Variants in HIVEP2 observed in about 807,000 individuals in gnomAD.
HIVEP2 encodes transcription factor HIVEP2.
In HIVEP2, 14 loss-of-function variants were observed where a neutral mutation model predicts 180.7. That is an observed-to-expected ratio of 0.08 (90% CI 0.05 to 0.12). The LOEUF is 0.12. Among genes scored for constraint, HIVEP2 ranks in the 10% least tolerant of loss-of-function variants. HIVEP2 has a pLI of 1.00. For missense variants in HIVEP2, 2,579 were observed against 3,008.5 expected (o/e 0.86, Z 3.34); for synonymous variants, 1,184 against 1,136.4 (o/e 1.04, Z -0.84).
rs1355895728 is a variant in HIVEP2 at position 142,760,124 on chromosome 6, C to A, written c.6164G>T (p.Cys2055Phe). The A allele has an allele frequency of 2.5e-6, 4 of 1,614,112 alleles. No homozygotes were observed. Among genetic ancestry groups the A allele is most frequent in the African/African-American group, 1.3e-5 (1 of 75,008 alleles). The change falls in exon 9 of 10, where the codon TGT (cysteine) becomes TTT (phenylalanine). Residue 2055 changes from cysteine (C) to phenylalanine (F), a missense_variant. Around this residue, in one of 11 missense-constraint regions of HIVEP2, gnomAD observed 660 missense variants for 731.7 expected, o/e 0.90. Coordinates refer to ENST00000367603, the MANE Select transcript of HIVEP2 (RefSeq NM_006734.4). ...HSSPGYDSSPCRDNSPKRYLI... is the reference protein window; with the variant it reads ...HSSPGYDSSPFRDNSPKRYLI... ...ATACCTCTTTGGTGAATTATCTCGA[C>A]AGGGTGAAGAATCATATCCTGGAGA...
At chr6:142,885,850 C>A (rs988021525) in intron 1 of HIVEP2, among the ~76,000 whole-genome samples, 5 of 152,160 alleles carry the variant, frequency 3.3e-5, no homozygotes, top group South Asian at 2.1e-4. Flanking sequence ...TTATAAAATG[C>A]CGCCTAATCT....
chr6:142,858,040 G>A (rs1392046490), intron 1 of HIVEP2, among the ~76,000 whole-genome samples: 2 of 150,604 alleles, frequency 1.3e-5, no homozygotes, highest in Non-Finnish European at 3.0e-5. Flanking sequence ...GTGGTTGGGG[G>A]AAGAGAGGCT....
At chr6:142,845,473 G>A (rs1042731265) in intron 1 of HIVEP2, among the ~76,000 whole-genome samples, 1 of 152,106 alleles carries the variant, frequency 6.6e-6, no homozygotes, top group Non-Finnish European at 1.5e-5. Context: ...ATTATTAGGC[G>A]TAGTCCCATT....
intron 1 of HIVEP2, among the ~76,000 whole-genome samples, chr6:142,930,962 G>T (rs1777929679): frequency 6.6e-6 from 1 of 152,072 alleles, no homozygotes; most frequent in East Asian, 1.9e-4. Context: ...ATGATTAAAA[G>T]AAAAGTTCCA....
intron 2 of HIVEP2, among the ~76,000 whole-genome samples, chr6:142,816,508 A>G (rs1315430905): frequency 6.6e-6 from 1 of 152,176 alleles, no homozygotes; most frequent in Non-Finnish European, 1.5e-5. Context: ...CCACAGTTCT[A>G]CTTCTGAAGT....
At chr6:142,866,956 G>A (rs1776155809) in intron 1 of HIVEP2, among the ~76,000 whole-genome samples, 2 of 152,166 alleles carry the variant, frequency 1.3e-5, no homozygotes, top group South Asian at 4.1e-4. Flanking sequence ...CCTCCCTGTG[G>A]TAAACTGGTG....
In HIVEP2 at chr6:142,758,800, A is replaced by G. The variant is rs148192387; in HGVS notation, c.6516+972T>C. ...AGGCATATCATAGAAATCTCTGCAC[A>G]TTCTCACTTAGCTCTCCTGATTTCC... On this transcript the variant is annotated intron_variant, in intron 9 of 9. Transcript: ENST00000367603. Among the ~76,000 whole-genome samples the G allele has an allele frequency of 1.9e-3, 294 of 152,288 alleles. 8 individuals carry two copies. The highest frequency in any genetic ancestry group is 6.2e-3 in the African/African-American group (259 of 41,562).
intron 2 of HIVEP2, among the ~76,000 whole-genome samples, chr6:142,806,014 T>C (rs1582875905): frequency 6.6e-6 from 1 of 151,678 alleles, no homozygotes; most frequent in East Asian, 1.9e-4. Flanking sequence ...TAGATCTCAA[T>C]ACATCTACAC....
rs531469507 is a variant in HIVEP2 at position 142,874,154 on chromosome 6, T to G, written c.-640-37107A>C. Among the ~76,000 whole-genome samples the G allele has an allele frequency of 8.5e-4, 129 of 152,262 alleles. 1 individual carries two copies. Among genetic ancestry groups the G allele is most frequent in the African/African-American group, 3.0e-3 (126 of 41,558 alleles). On this transcript the variant is annotated intron_variant, in intron 1 of 9. Transcript: ENST00000367603. ...AAATACCTGAACAAACTGAACCAAA[T>G]TAAAAACTCAAGTTTTTAACCTGAG... is the stretch of plus-strand genomic sequence containing the variant.
At position 142,773,106 on chromosome 6, in the gene HIVEP2, A is replaced by G; in HGVS notation, c.1633T>C (p.Ser545Pro). The G allele has an allele frequency of 6.2e-7, 1 of 1,614,224 alleles. No homozygotes were observed. The highest frequency in any genetic ancestry group is 8.5e-7 in the Non-Finnish European group (1 of 1,180,042). Residue 545 changes from serine (S) to proline (P), a missense_variant, in exon 5 of 10, where the codon TCA becomes CCA. This residue lies in a region of HIVEP2 where 524 missense variants were observed against 563.6 expected (regional missense o/e 0.93). Transcript: ENST00000367603. ...TTAGTTGCTGAAGAAGTTGGCACTG[A>G]GTTGCTTCTAATAAGGGGTGAAGAG... is the stretch of plus-strand genomic sequence containing the variant. ...VDSSPLIRSN[S>P]VPTSSATNLT... is the part of the protein sequence containing the mutation.
intron 1 of HIVEP2, among the ~76,000 whole-genome samples, chr6:142,872,333 G>A (rs1776309503): frequency 6.6e-6 from 1 of 152,098 alleles, no homozygotes; most frequent in African/African-American, 2.4e-5. Flanking sequence ...ATGAGTCTTT[G>A]GAATCGCTTC....
chr6:142,944,361 A>ACCCC lies in HIVEP2; in HGVS notation c.-641+734_-641+737dup, dbSNP rs55804696. On this transcript the variant is annotated intron_variant, in intron 1 of 9. Transcript: ENST00000367603. The stretch of plus-strand genomic sequence containing the variant: ...GGGTAGCAGAGCGGATCTGGAGTCC[A>ACCCC]CCCCCCCCCCCCACCAAATACGACA... 7.6e-4 allele frequency among the ~76,000 whole-genome samples: 79 copies of ACCCC among 104,302 alleles called. 6 individuals are homozygous for ACCCC. The highest frequency in any genetic ancestry group is 3.2e-3 in the African/African-American group (69 of 21,272). 68.4% of individuals were successfully genotyped at this position (104,302 alleles called of 152,430 possible).
At chr6:142,919,795 T>C (rs1777644473) in intron 1 of HIVEP2, among the ~76,000 whole-genome samples, 1 of 152,208 alleles carries the variant, frequency 6.6e-6, no homozygotes, top group African/African-American at 2.4e-5. Context: ...TCTTACTCTG[T>C]TCCTTTCACA....
intron 1 of HIVEP2, among the ~76,000 whole-genome samples, chr6:142,876,704 T>C (rs1317737132): frequency 6.6e-6 from 1 of 152,156 alleles, no homozygotes; most frequent in Non-Finnish European, 1.5e-5. Context: ...TATTATAGGA[T>C]ATGTCACACA....
chr6:142,808,992 G>A (rs1475489756), intron 2 of HIVEP2, among the ~76,000 whole-genome samples: 1 of 151,998 alleles, frequency 6.6e-6, no homozygotes, highest in African/African-American at 2.4e-5. Flanking sequence ...GCTCCTGAAG[G>A]CTGAATTATA....
At chr6:142,762,779 A>T (rs1775283017) in intron 7 of HIVEP2, among the ~76,000 whole-genome samples, 1 of 152,124 alleles carries the variant, frequency 6.6e-6, no homozygotes, top group Non-Finnish European at 1.5e-5. Context: ...TTATTATTTT[A>T]CTCATATTGC....
At chr6:142,919,321 T>C (rs1291758725) in intron 1 of HIVEP2, among the ~76,000 whole-genome samples, 1 of 152,248 alleles carries the variant, frequency 6.6e-6, no homozygotes, top group Non-Finnish European at 1.5e-5. Context: ...CTCTTCCTGA[T>C]AGTTGTTTTC....
chr6:142,761,802 T>C (rs950736396), intron 7 of HIVEP2, among the ~76,000 whole-genome samples: 5 of 152,208 alleles, frequency 3.3e-5, no homozygotes, highest in African/African-American at 9.6e-5. Context: ...CTAGAAGATA[T>C]GTGGAAGTCC....
intron 1 of HIVEP2, among the ~76,000 whole-genome samples, chr6:142,855,455 A>G (rs1251086670): frequency 5.3e-5 from 8 of 152,280 alleles, no homozygotes; most frequent in Admixed American, 2.6e-4. Flanking sequence ...AGAAGAGTAC[A>G]GTGTGTTTTA....
Sources: allele counts gnomAD v4.1 joint callset (sites outside exome capture counted in the v4.1 genomes callset), GRCh38; gene constraint gnomAD v4.1.1; regional missense constraint gnomAD v4.1.1; transcripts MANE v1.5; gene names NCBI Gene and HGNC (gene_info 2026-07-23, HGNC 2026-07-21).